SS18: variants seen among roughly 807,000 people sequenced by gnomAD.
SS18 encodes the protein SS18 subunit of BAF chromatin remodeling complex.
In SS18, 28 loss-of-function variants were observed where a neutral mutation model predicts 72.5. That is an observed-to-expected ratio of 0.39 (90% CI 0.29 to 0.53). The LOEUF (loss-of-function observed/expected upper bound fraction) is 0.53, where lower values mean the gene tolerates loss of function less well. Ranked by LOEUF, SS18 falls within the 20% of genes least tolerant of loss-of-function variation. The pLI is 0.76. For missense variants in SS18, 518 were observed against 535.3 expected, an observed-to-expected ratio of 0.97 and a Z score of 0.32; for synonymous variants, 172 against 164.2, an observed-to-expected ratio of 1.05 and a Z score of -0.37.
intron 5 of SS18, among the ~76,000 whole-genome samples, chr18:26,041,356 A>C (rs1198372339): frequency 6.6e-6 from 1 of 152,152 alleles, no homozygotes; most frequent in Admixed American, 6.5e-5. Flanking sequence ...CCCGGGAGGC[A>C]GAGGTTGCAG....
At chr18:26,082,058 T>C (rs187626851) in intron 2 of SS18, among the ~76,000 whole-genome samples, 2 of 151,542 alleles carry the variant, frequency 1.3e-5, no homozygotes, top group Admixed American at 6.6e-5. Context: ...GATTATGTCT[T>C]GAAAAACAAA....
At chr18:26,024,926 T>C (rs1030909936) in intron 10 of SS18, among the ~76,000 whole-genome samples, 13 of 143,688 alleles carry the variant, frequency 9.0e-5, no homozygotes, top group African/African-American at 1.3e-4. Flanking sequence ...ACTTGAAATA[T>C]AATTTAAATA....
At chr18:26,059,368 G>GA (rs2054080003) in intron 3 of SS18, among the ~76,000 whole-genome samples, 1 of 151,558 alleles carries the variant, frequency 6.6e-6, no homozygotes, top group South Asian at 2.1e-4. Context: ...TTGGACTAAG[G>GA]AAAAAAAAGA....
At position 26,047,115 on chromosome 18, in the gene SS18, T is replaced by C. The variant is rs1339922729; in HGVS notation, c.607+5509A>G. On this transcript the variant is annotated intron_variant, in intron 5 of 10. Coordinates refer to ENST00000415083, the MANE Select transcript of SS18 (RefSeq NM_001007559.3). ...GTCTGTTTCCTCATGCACAGAATGA[T>C]AGTAATAGTACCTTACCTACTACCT... Among the ~76,000 whole-genome samples the C allele has an allele frequency of 2.6e-5, 4 of 152,154 alleles. No individual in the cohort carries two copies. The East Asian group carries it at 5.8e-4, about 22-fold the overall frequency.
chr18:26,023,238 A>G (rs1015808481), intron 10 of SS18, among the ~76,000 whole-genome samples: 4 of 152,234 alleles, frequency 2.6e-5, no homozygotes, highest in Non-Finnish European at 5.9e-5. Flanking sequence ...GCAGAAGAGG[A>G]TATTAAAAGA....
chr18:26,074,990 CA>C lies in SS18; in HGVS notation c.231+3085del, dbSNP rs1418413219. Among the ~76,000 whole-genome samples, 28 of 151,828 alleles carry C rather than the reference CA, an allele frequency of 1.8e-4. No homozygotes were observed. In the East Asian group the frequency reaches 5.4e-3, roughly 29 times the overall value. ...CTTTATTTTCATGCTAATTAATGTT[CA>C]AATTTATTAAAATGCTAAAAACCAC... On this transcript the variant is annotated intron_variant, in intron 3 of 10. Coordinates refer to ENST00000415083, the MANE Select transcript of SS18 (RefSeq NM_001007559.3).
chr18:26,074,698 C>T (rs2144123723), intron 3 of SS18, among the ~76,000 whole-genome samples: 1 of 151,784 alleles, frequency 6.6e-6, no homozygotes, highest in South Asian at 2.1e-4. Flanking sequence ...AACAATATAA[C>T]CTACATCAAG....
intron 3 of SS18, 106 bp downstream of exon 3, chr18:26,077,970 A>G: frequency 1.4e-6 from 1 of 707,422 alleles, no homozygotes; most frequent in Admixed American, 2.8e-5. Flanking sequence ...TTCTCAGAGT[A>G]AAGCAGGATT....
rs1297608938 is a variant in SS18, at chr18:26,018,243, T to C, written c.*111A>G. On this transcript the variant is annotated 3_prime_UTR_variant, in exon 11 of 11. Transcript: ENST00000415083. ...GAAACAGCCACTTATCCACAAGGTT[T>C]TTCCAAAAACTAGATGGAATGGAAG... 1.0e-6 allele frequency: 1 copy of C among 956,632 alleles called. No homozygotes were observed. Among genetic ancestry groups the C allele is most frequent in the Non-Finnish European group, 1.6e-6 (1 of 631,080 alleles). 59.3% of individuals were successfully genotyped at this position (956,632 alleles called of 1,614,324 possible).
chr18:26,090,593 C>G lies in SS18; in HGVS notation c.-24G>C, dbSNP rs760323245. 2.8e-5 allele frequency: 44 copies of G among 1,563,572 alleles called. No homozygotes were observed. The highest frequency in any genetic ancestry group is 3.3e-5 in the Non-Finnish European group (38 of 1,154,830). ...ATGTTGCCGCCGTCACCACTATCGG[C>G]AAGTCCCGAGCGCTCCGGGTGAACG... On this transcript the variant is annotated 5_prime_UTR_variant, in exon 1 of 11. Coordinates refer to ENST00000415083, the MANE Select transcript of SS18 (RefSeq NM_001007559.3).
intron 10 of SS18, 119 bp downstream of exon 10, chr18:26,032,279 AT>A: frequency 8.4e-7 from 1 of 1,193,034 alleles, no homozygotes; most frequent in Non-Finnish European, 1.2e-6. Context: ...CAAATGTACC[AT>A]AAACATTCCC....
chr18:26,044,061 C>T (rs920444270), intron 5 of SS18, among the ~76,000 whole-genome samples: 6 of 152,108 alleles, frequency 3.9e-5, no homozygotes, highest in African/African-American at 1.4e-4. Context: ...ACACTTACAG[C>T]AAGAGGATAC....
At chr18:26,030,748 G>C (rs987297646) in intron 10 of SS18, among the ~76,000 whole-genome samples, 1 of 151,772 alleles carries the variant, frequency 6.6e-6, no homozygotes, top group African/African-American at 2.4e-5. Flanking sequence ...AGAAGTAAGA[G>C]CTAAGAATAC....
intron 2 of SS18, among the ~76,000 whole-genome samples, chr18:26,082,099 GAA>G (rs909176428): frequency 6.6e-6 from 1 of 151,556 alleles, no homozygotes; most frequent in Non-Finnish European, 1.5e-5. Flanking sequence ...TTGATATGAG[GAA>G]AAAAAGGAGT....
Position 26,035,793 on chromosome 18 carries a change from G to C in SS18, c.973+38C>G. 2.2e-6 allele frequency: 3 copies of C among 1,384,582 alleles called. No individual in the cohort carries two copies. 85.8% of individuals were successfully genotyped at this position (1,384,582 alleles called of 1,614,324 possible). A position where few individuals can be genotyped will look rare whatever the true frequency, so the allele number is the denominator to read the frequency against. ...CAAGAATTTTCATTCCTGTAGAAGG[G>C]GATATATATGTGTATGTGTGTGAAG... On this transcript the variant is annotated intron_variant, in intron 8 of 10. Transcript: ENST00000415083. The surrounding 1 kb of genome is among the most constrained non-coding windows in gnomAD (Gnocchi z 4.4).
intron 10 of SS18, among the ~76,000 whole-genome samples, chr18:26,028,547 A>G (rs559167777): frequency 6.6e-6 from 1 of 152,344 alleles, no homozygotes; most frequent in South Asian, 2.1e-4. Context: ...TCCCATCTCA[A>G]TGGACAAACA....
intron 3 of SS18, among the ~76,000 whole-genome samples, chr18:26,067,335 A>C (rs1214464409): frequency 6.6e-6 from 1 of 152,226 alleles, no homozygotes. Flanking sequence ...CAAGCTTCTG[A>C]CTAAGAGAAC....
chr18:26,083,341 T>C (rs1244146672), intron 2 of SS18, among the ~76,000 whole-genome samples: 3 of 152,174 alleles, frequency 2.0e-5, no homozygotes, highest in South Asian at 2.1e-4. Flanking sequence ...TGACATATAC[T>C]ACCCTTGGCT....
chr18:26,034,814 T>C (rs907655312), intron 9 of SS18, among the ~76,000 whole-genome samples, 191 bp downstream of exon 9: 4 of 152,218 alleles, frequency 2.6e-5, no homozygotes, highest in African/African-American at 9.6e-5. Context: ...TCCAGTTTGT[T>C]GTTCTTTTTA....
Sources: allele counts gnomAD v4.1 joint callset (sites outside exome capture counted in the v4.1 genomes callset), GRCh38; gene constraint gnomAD v4.1.1; non-coding constraint Gnocchi (gnomAD v3.1); transcripts MANE v1.5; gene names NCBI Gene and HGNC (gene_info 2026-07-23, HGNC 2026-07-21).